The following PLCH1 variants were observed in gnomAD, a reference collection of about 807,000 sequenced individuals.
PLCH1 encodes 1-phosphatidylinositol 4,5-bisphosphate phosphodiesterase eta-1.
Under a neutral mutation model 126.7 loss-of-function variants are expected in PLCH1, and 60 were observed. The ratio of observed to expected loss-of-function variants is 0.47; its 90% CI spans 0.38 to 0.59. PLCH1 has a LOEUF of 0.59. PLCH1 is among the 20% of genes least tolerant of loss of function. The probability of loss-of-function intolerance (pLI) is 0.00; values close to 1 mark genes in which losing one functional copy is unlikely to be tolerated. For synonymous variants in PLCH1, 719 were observed against 734.9 expected (o/e 0.98, Z 0.35); for missense variants, 1,723 against 2,040.0 (o/e 0.84, Z 2.99).
chr3:155,685,517 A>C (rs1744868989), intron 2 of PLCH1, among the ~76,000 whole-genome samples: 1 of 152,192 alleles, frequency 6.6e-6, no homozygotes, highest in African/African-American at 2.4e-5. Flanking sequence ...AATTTAACTC[A>C]GTGGAAGAAG....
intron 1 of PLCH1, among the ~76,000 whole-genome samples, chr3:155,738,722 G>A (rs1472376201): frequency 6.6e-6 from 1 of 151,578 alleles, no homozygotes; most frequent in Admixed American, 6.6e-5. Flanking sequence ...GGGAGGCGGA[G>A]GTTGCAGTGA....
intron 2 of PLCH1, among the ~76,000 whole-genome samples, chr3:155,676,593 A>G (rs1178228903): frequency 2.0e-5 from 3 of 152,168 alleles, no homozygotes; most frequent in African/African-American, 7.2e-5. Context: ...TCAGAAGCAA[A>G]CATCACTCCA....
chr3:155,475,003 A>C (rs1026818906), downstream of PLCH1, among the ~76,000 whole-genome samples: 15 of 145,714 alleles, frequency 1.0e-4, no homozygotes, highest in African/African-American at 3.1e-4. Flanking sequence ...GGTGCAGTGC[A>C]CCAGCATGGC....
At chr3:155,700,447 TA>T (rs1450090670) in intron 2 of PLCH1, among the ~76,000 whole-genome samples, 5 of 152,242 alleles carry the variant, frequency 3.3e-5, no homozygotes, top group Admixed American at 2.6e-4. Flanking sequence ...AAGATACTCC[TA>T]ATTCAGTCCA....
intron 2 of PLCH1, among the ~76,000 whole-genome samples, chr3:155,691,690 T>G (rs916734821): frequency 3.9e-5 from 6 of 152,218 alleles, no homozygotes; most frequent in African/African-American, 1.4e-4. Flanking sequence ...CAATTCTAGT[T>G]AATATTTAAG....
Position 155,684,581 on chromosome 3 carries a change from T to C in PLCH1, c.79+19565A>G, listed in dbSNP as rs895633335. ...ACCCTGTAATGTCTGAGGAAGACAT[T>C]TTATTAAAAAAAAAGATGACCTTTA... On this transcript the variant is annotated intron_variant, in intron 2 of 22. Transcript: ENST00000460012. Among the ~76,000 whole-genome samples, 3 of 151,946 alleles carry C rather than the reference T, an allele frequency of 2.0e-5. No individual in the cohort carries two copies. In the South Asian group the frequency reaches 6.2e-4, roughly 32 times the overall value.
chr3:155,563,083 G>A (rs1471175004), intron 8 of PLCH1, among the ~76,000 whole-genome samples: 1 of 152,046 alleles, frequency 6.6e-6, no homozygotes, highest in Non-Finnish European at 1.5e-5. Flanking sequence ...TCATCCTTTA[G>A]ATCCAAGTAC....
intron 22 of PLCH1, 65 bp downstream of exon 22, chr3:155,485,291 T>C: frequency 1.0e-6 from 1 of 980,912 alleles, no homozygotes; most frequent in Non-Finnish European, 1.6e-6. Flanking sequence ...CACTTCATAA[T>C]GGTAAACAGG....
intron 2 of PLCH1, among the ~76,000 whole-genome samples, chr3:155,613,481 T>C (rs181395035): frequency 9.9e-5 from 15 of 152,194 alleles, no homozygotes; most frequent in Admixed American, 9.2e-4. Flanking sequence ...ATACCAGGAA[T>C]GCAAGGATAC....
intron 21 of PLCH1, chr3:155,487,143 ATTAGT>A (rs1386079163): frequency 6.6e-6 from 1 of 152,184 alleles, no homozygotes; most frequent in East Asian, 1.9e-4. Flanking sequence ...TCCATTCCTT[ATTAGT>A]TAGGTTGTAG....
At chr3:155,541,530 T>C (rs1032467207) in intron 10 of PLCH1, among the ~76,000 whole-genome samples, 1 of 152,050 alleles carries the variant, frequency 6.6e-6, no homozygotes, top group African/African-American at 2.4e-5. Context: ...GGGAGAGAGA[T>C]GGGGAATCAG....
rs556789236 is a variant in PLCH1 at position 155,609,495 on chromosome 3, C to T, written c.80-13117G>A. 3.7e-4 allele frequency among the ~76,000 whole-genome samples: 56 copies of T among 152,190 alleles called. No individual in the cohort carries two copies. The East Asian group carries it at 0.01, about 27-fold the overall frequency. On this transcript the variant is annotated intron_variant, in intron 2 of 22. Transcript: ENST00000460012. ...TATGACAAAAAAAGATTCTATAGTACCCTCAAAAGATCACACTAGTTCCCA... is the reference window on the plus strand; with the variant it reads ...TATGACAAAAAAAGATTCTATAGTATCCTCAAAAGATCACACTAGTTCCCA...
chr3:155,739,059 G>A (rs924162500), intron 1 of PLCH1, among the ~76,000 whole-genome samples: 1 of 152,158 alleles, frequency 6.6e-6, no homozygotes, highest in Non-Finnish European at 1.5e-5. Context: ...GCTGAAACCA[G>A]CTCAAAAATA....
chr3:155,676,388 G>C, intron 2 of PLCH1: 1 of 1,026,970 alleles, frequency 9.7e-7, no homozygotes, highest in South Asian at 4.6e-5. Context: ...CATGCTTCGT[G>C]CAGCGCGTTA....
At position 155,604,545 on chromosome 3, in the gene PLCH1, G is replaced by A. The variant is rs149444306; in HGVS notation, c.80-8167C>T. 7.2e-3 allele frequency among the ~76,000 whole-genome samples: 1,091 copies of A among 152,280 alleles called. 7 individuals carry two copies. The highest frequency in any genetic ancestry group is 0.021 in the South Asian group (99 of 4,818). ...TACAAATGAGGAGAATTCGGTCAAA[G>A]AAAGGGTGAAAGGAATTCATCAGTA... On this transcript the variant is annotated intron_variant, in intron 2 of 22. Coordinates refer to ENST00000460012, the MANE Select transcript of PLCH1 (RefSeq NM_014996.4).
intron 6 of PLCH1, among the ~76,000 whole-genome samples, chr3:155,577,277 T>A (rs544957036): frequency 6.6e-6 from 1 of 152,244 alleles, no homozygotes; most frequent in Non-Finnish European, 1.5e-5. Flanking sequence ...TAACTTGGTT[T>A]TATTTCAGAT....
intron 11 of PLCH1, among the ~76,000 whole-genome samples, chr3:155,522,968 G>C (rs185064956): frequency 1.0e-3 from 147 of 147,680 alleles, no homozygotes; most frequent in African/African-American, 3.7e-3. Context: ...TTTTGCGGGG[G>C]GGGTGGGGTG....
intron 8 of PLCH1, among the ~76,000 whole-genome samples, chr3:155,559,887 C>T (rs994703167): frequency 6.6e-6 from 1 of 152,118 alleles, no homozygotes; most frequent in Non-Finnish European, 1.5e-5. Context: ...TAAAAGACTA[C>T]TGGAAAAGCA....
intron 21 of PLCH1, among the ~76,000 whole-genome samples, chr3:155,465,291 A>G (rs1712885806): frequency 6.6e-6 from 1 of 152,048 alleles, no homozygotes. Flanking sequence ...CTAGGATACA[A>G]GCTCAGCCAC....
Sources: gnomAD v4.1 joint callset for allele counts (sites outside exome capture counted in the v4.1 genomes callset) on GRCh38, gnomAD v4.1.1 for gene constraint, MANE v1.5 for transcripts, NCBI Gene and HGNC (gene_info 2026-07-23, HGNC 2026-07-21) for gene names.